The following GABRA2 variants were observed in gnomAD, a reference collection of about 807,000 sequenced individuals.
GABRA2 encodes the protein gamma-aminobutyric acid type A receptor subunit alpha2, also known as gamma-aminobutyric acid receptor subunit alpha-2.
Under a neutral mutation model 48.7 loss-of-function variants are expected in GABRA2, and 16 were observed. That is an observed-to-expected ratio of 0.33 (90% CI 0.22 to 0.50). The LOEUF (loss-of-function observed/expected upper bound fraction) is 0.50. GABRA2 is among the 20% of genes least tolerant of loss of function. The pLI, the probability that GABRA2 is intolerant of heterozygous loss-of-function variation, is 0.98. For missense variants in GABRA2, 275 were observed against 535.6 expected, an observed-to-expected ratio of 0.51 and a Z score of 4.80; for synonymous variants, 185 against 184.5, an observed-to-expected ratio of 1.00 and a Z score of -0.02.
chr4:46,390,122 C>G lies in GABRA2; in HGVS notation c.-398G>C, dbSNP rs534372767. The G allele has an allele frequency of 1.1e-5, 11 of 966,014 alleles. No individual in the cohort carries two copies. In the South Asian group the frequency reaches 3.3e-4, roughly 29 times the overall value. 59.8% of individuals were successfully genotyped at this position (966,014 alleles called of 1,614,324 possible). ...CGCCGGCGGTGGCGGGCACGAGCCCCGCGCCTGGAGGAGGAGGAGTCAGGC... is the reference window on the plus strand; with the variant it reads ...CGCCGGCGGTGGCGGGCACGAGCCCGGCGCCTGGAGGAGGAGGAGTCAGGC... On this transcript the variant is annotated 5_prime_UTR_variant, in exon 1 of 10. Transcript: ENST00000381620.
chr4:46,275,077 G>C (rs534859039), intron 8 of GABRA2, among the ~76,000 whole-genome samples: 12 of 152,142 alleles, frequency 7.9e-5, no homozygotes, highest in African/African-American at 2.9e-4. Flanking sequence ...AAAAAGAAAG[G>C]CTTCTTGAAC....
chr4:46,258,521 C>T (rs530506399), intron 9 of GABRA2, among the ~76,000 whole-genome samples: 2 of 151,814 alleles, frequency 1.3e-5, no homozygotes, highest in Non-Finnish European at 2.9e-5. Flanking sequence ...GTGAGAATCA[C>T]GCAGTGAATA....
At chr4:46,307,728 G>T (rs576907712) in intron 6 of GABRA2, among the ~76,000 whole-genome samples, 1 of 152,096 alleles carries the variant, frequency 6.6e-6, no homozygotes, top group African/African-American at 2.4e-5. Context: ...CTAGAGAAAA[G>T]CTCAAGAGTT....
At chr4:46,322,248 G>A (rs984007788) in intron 4 of GABRA2, among the ~76,000 whole-genome samples, 1 of 151,976 alleles carries the variant, frequency 6.6e-6, no homozygotes, top group Non-Finnish European at 1.5e-5. Context: ...GTCTGGACTG[G>A]ACTCTTTAAG....
chr4:46,377,627 T>A (rs1189712243), intron 3 of GABRA2, among the ~76,000 whole-genome samples: 3 of 136,330 alleles, frequency 2.2e-5, no homozygotes, highest in Non-Finnish European at 4.7e-5. Flanking sequence ...CCCGCCCGGC[T>A]AGCCGCCCGG....
chr4:46,327,742 G>A (rs1435541222), intron 4 of GABRA2, among the ~76,000 whole-genome samples: 4 of 151,958 alleles, frequency 2.6e-5, no homozygotes, highest in African/African-American at 9.7e-5. Context: ...TTTTGCAGAG[G>A]AAGAAAAGTA....
chr4:46,290,248 T>G (rs1723377839), intron 8 of GABRA2, among the ~76,000 whole-genome samples: 1 of 151,956 alleles, frequency 6.6e-6, no homozygotes, highest in Non-Finnish European at 1.5e-5. Context: ...TGTTTAGGTT[T>G]TTTCAGGCTT....
intron 4 of GABRA2, among the ~76,000 whole-genome samples, chr4:46,316,381 AC>A (rs1234016722): frequency 6.6e-6 from 1 of 152,006 alleles, no homozygotes; most frequent in Admixed American, 6.6e-5. Context: ...TGTGAAAGCA[AC>A]CATAGATTGC....
chr4:46,389,756 G>A lies in GABRA2; in HGVS notation c.-32C>T. 1 of 971,100 alleles carries A rather than the reference G, an allele frequency of 1.0e-6. No homozygotes were observed. The highest frequency in any genetic ancestry group is 1.2e-6 in the Non-Finnish European group (1 of 827,484). 60.2% of individuals were successfully genotyped at this position (971,100 alleles called of 1,614,324 possible). On this transcript the variant is annotated 5_prime_UTR_variant, in exon 1 of 10. Coordinates refer to ENST00000381620, the MANE Select transcript of GABRA2 (RefSeq NM_000807.4). ...CTACCTGAAACGGCAAGCAGAATTC[G>A]GTGTTTTCTTCCTTTTGCCCTGATC...
chr4:46,349,079 T>G (rs1024168778), intron 3 of GABRA2, among the ~76,000 whole-genome samples: 1 of 151,982 alleles, frequency 6.6e-6, no homozygotes, highest in Non-Finnish European at 1.5e-5. Flanking sequence ...TGTTGGCATT[T>G]TTTAGCAATA....
chr4:46,385,864 T>C (rs978387059), intron 3 of GABRA2, among the ~76,000 whole-genome samples: 2 of 152,138 alleles, frequency 1.3e-5, no homozygotes, highest in African/African-American at 4.8e-5. Flanking sequence ...CATATGACTT[T>C]AGGCATTCTA....
chr4:46,286,104 C>G (rs1011236568), intron 8 of GABRA2, among the ~76,000 whole-genome samples: 2 of 151,936 alleles, frequency 1.3e-5, no homozygotes, highest in Non-Finnish European at 2.9e-5. Flanking sequence ...TAAGTAATCA[C>G]TCTCCATTTA....
intron 6 of GABRA2, among the ~76,000 whole-genome samples, chr4:46,307,317 T>C (rs1577989969): frequency 6.6e-6 from 1 of 152,026 alleles, no homozygotes; most frequent in East Asian, 1.9e-4. Flanking sequence ...CATGAATACA[T>C]ATTCTGGCGC....
chr4:46,331,237 G>C (rs938085128), intron 4 of GABRA2, among the ~76,000 whole-genome samples: 17 of 152,076 alleles, frequency 1.1e-4, no homozygotes, highest in African/African-American at 3.9e-4. Context: ...TAATTTTAAT[G>C]GACTGCCAAC....
chr4:46,321,738 TG>T, intron 4 of GABRA2, among the ~76,000 whole-genome samples: 1 of 152,074 alleles, frequency 6.6e-6, no homozygotes, highest in East Asian at 1.9e-4. Flanking sequence ...TCTCAGAAAA[TG>T]GTTGGACACC....
At chr4:46,290,659 T>A (rs1276260894) in intron 8 of GABRA2, among the ~76,000 whole-genome samples, 1 of 152,166 alleles carries the variant, frequency 6.6e-6, no homozygotes, top group Non-Finnish European at 1.5e-5. Context: ...GCTCTAGTAA[T>A]TTTTACTTTG....
At chr4:46,338,483 A>G (rs1732650036) in intron 3 of GABRA2, among the ~76,000 whole-genome samples, 1 of 151,998 alleles carries the variant, frequency 6.6e-6, no homozygotes, top group Non-Finnish European at 1.5e-5. Context: ...ATTTTAAATA[A>G]TAGTGAAAAT....
chr4:46,270,250 C>T (rs985369947), intron 8 of GABRA2, among the ~76,000 whole-genome samples: 2 of 151,844 alleles, frequency 1.3e-5, no homozygotes, highest in Non-Finnish European at 2.9e-5. Context: ...TGTCTAGATC[C>T]GCTCCTCCTT....
intron 8 of GABRA2, among the ~76,000 whole-genome samples, chr4:46,267,699 T>C (rs762947207): frequency 2.0e-5 from 3 of 152,088 alleles, no homozygotes; most frequent in Non-Finnish European, 2.9e-5. Flanking sequence ...TAGGGGTTAC[T>C]GAAGACTCTG....
Sources: allele counts gnomAD v4.1 joint callset (sites outside exome capture counted in the v4.1 genomes callset), GRCh38; gene constraint gnomAD v4.1.1; transcripts MANE v1.5; gene names NCBI Gene and HGNC (gene_info 2026-07-23, HGNC 2026-07-21).